The following MAST4 variants were observed in gnomAD, a reference collection of about 807,000 sequenced individuals.
MAST4 encodes the protein microtubule-associated serine/threonine-protein kinase 4.
Under a neutral mutation model 162.7 loss-of-function variants are expected in MAST4, and 89 were observed. The ratio of observed to expected loss-of-function variants is 0.55; its 90% CI spans 0.46 to 0.65. The LOEUF (loss-of-function observed/expected upper bound fraction) is 0.65. Ranked by LOEUF, MAST4 falls within the 30% of genes least tolerant of loss-of-function variation. The pLI, the probability that MAST4 is intolerant of heterozygous loss-of-function variation, is 0.00. For synonymous variants in MAST4, 1,479 were observed against 1,361.1 expected (o/e 1.09, Z -1.91); for missense variants, 3,153 against 3,374.0 (o/e 0.93, Z 1.62).
intron 3 of MAST4, among the ~76,000 whole-genome samples, chr5:66,844,791 G>A (rs1409941855): frequency 6.6e-6 from 1 of 152,026 alleles, no homozygotes; most frequent in Admixed American, 6.6e-5. Context: ...CAGCTATGGA[G>A]TTATCAGAAG....
At chr5:66,788,605 C>CCCCAAGCAAAAAAAAAAAAAACA in intron 2 of MAST4, 65 bp from the exon 3 acceptor site, 1 of 1,344,528 alleles carries the variant, frequency 7.4e-7, no homozygotes, top group African/African-American at 1.5e-5. Flanking sequence ...CACCCCCACC[C>CCCCAAGCAAAAAAAAAAAAAACA]CCATTGCAAT....
chr5:66,609,339 A>G (rs1235211463), intron 1 of MAST4, among the ~76,000 whole-genome samples: 3 of 150,670 alleles, frequency 2.0e-5, no homozygotes, highest in Admixed American at 2.0e-4. Flanking sequence ...CTGAAAGTCT[A>G]TTTGCATAGT....
In MAST4 at chr5:67,160,581, A is replaced by C. The variant is rs1185671994; in HGVS notation, c.3774A>C (p.Glu1258Asp). 6.2e-7 allele frequency: 1 copy of C among 1,613,612 alleles called. No individual in the cohort carries two copies. Among genetic ancestry groups the C allele is most frequent in the Admixed American group, 1.7e-5 (1 of 59,956 alleles). The change falls in exon 27 of 29, where the codon GAA becomes GAC. Residue 1258 changes from glutamate (E) to aspartate (D), a missense_variant. This residue lies in a region of MAST4 where 619 missense variants were observed against 744.2 expected (regional missense o/e 0.83). Coordinates refer to ENST00000403625, the MANE Select transcript of MAST4 (RefSeq NM_001164664.2). ...GGAGCAAGAAATCCAAGAAGAAAGA[A>C]AGTCTCGAAAGGTTAGTAAAATCAG... is the stretch of plus-strand genomic sequence containing the variant. ...VRRSKKSKKK[E>D]SLERRRSLFK... is the part of the protein sequence containing the mutation.
At chr5:67,119,111 C>T (rs769393988) in intron 13 of MAST4, among the ~76,000 whole-genome samples, 17 of 152,244 alleles carry the variant, frequency 1.1e-4, no homozygotes, top group Middle Eastern at 3.4e-3. Context: ...GCTTAGGTCC[C>T]TGTTGTTCAT....
intron 6 of MAST4, among the ~76,000 whole-genome samples, chr5:67,092,413 G>A (rs141352130): frequency 1.3e-5 from 2 of 152,158 alleles, no homozygotes; most frequent in African/African-American, 2.4e-5. Flanking sequence ...TGAAATTATC[G>A]AATTAATTTT....
chr5:66,747,430 G>C (rs1752837400), intron 1 of MAST4, among the ~76,000 whole-genome samples: 1 of 152,122 alleles, frequency 6.6e-6, no homozygotes. Flanking sequence ...ACATCTTCTA[G>C]TTTAAACACA....
chr5:66,889,842 A>G (rs1762258725), intron 3 of MAST4, among the ~76,000 whole-genome samples: 1 of 152,128 alleles, frequency 6.6e-6, no homozygotes, highest in Non-Finnish European at 1.5e-5. Flanking sequence ...TCATTTTGTA[A>G]TTTTGGAAAT....
At chr5:66,677,418 A>G (rs946886558) in intron 1 of MAST4, among the ~76,000 whole-genome samples, 14 of 152,168 alleles carry the variant, frequency 9.2e-5, no homozygotes, top group Admixed American at 2.6e-4. Context: ...TGGAGTAATG[A>G]AAAACTGTCT....
chr5:66,845,532 G>T (rs1384193876), intron 3 of MAST4, among the ~76,000 whole-genome samples: 2 of 152,046 alleles, frequency 1.3e-5, no homozygotes, highest in East Asian at 1.9e-4. Flanking sequence ...CATTTGGGTT[G>T]GTTCCAAGTC....
intron 4 of MAST4, among the ~76,000 whole-genome samples, chr5:66,980,247 T>A (rs16896094): frequency 6.6e-6 from 1 of 152,172 alleles, no homozygotes; most frequent in South Asian, 2.1e-4. Flanking sequence ...GCAGCCACAA[T>A]GCTAGATGCA....
At chr5:66,634,720 T>A (rs1436735051) in intron 1 of MAST4, among the ~76,000 whole-genome samples, 1 of 152,210 alleles carries the variant, frequency 6.6e-6, no homozygotes, top group East Asian at 1.9e-4. Context: ...CAATGGAAGT[T>A]GTTTACACTT....
intron 4 of MAST4, among the ~76,000 whole-genome samples, chr5:66,989,637 A>G (rs1749866242): frequency 6.6e-6 from 1 of 152,192 alleles, no homozygotes; most frequent in Non-Finnish European, 1.5e-5. Context: ...TTACAGAAAG[A>G]AATATAGTTT....
chr5:67,120,916 A>T, intron 13 of MAST4, 101 bp from the exon 14 acceptor site: 1 of 833,506 alleles, frequency 1.2e-6, no homozygotes, highest in Non-Finnish European at 1.9e-6. Flanking sequence ...GTACTTCAAC[A>T]TATTACATAA....
intron 4 of MAST4, among the ~76,000 whole-genome samples, chr5:66,947,223 A>C (rs1392309984): frequency 2.6e-5 from 4 of 152,068 alleles, no homozygotes; most frequent in Non-Finnish European, 4.4e-5. Context: ...ACCGTGGAAA[A>C]TGAGTATATT....
At chr5:66,680,658 A>T (rs1748268892) in intron 1 of MAST4, among the ~76,000 whole-genome samples, 1 of 152,176 alleles carries the variant, frequency 6.6e-6, no homozygotes, top group Non-Finnish European at 1.5e-5. Flanking sequence ...CTTCTGGGGG[A>T]GAGAAAAATA....
chr5:66,976,522 G>T (rs147598084), intron 4 of MAST4, among the ~76,000 whole-genome samples: 15 of 152,374 alleles, frequency 9.8e-5, no homozygotes, highest in African/African-American at 3.6e-4. Flanking sequence ...GAACTAGCTT[G>T]ACTGAAGTGT....
intron 18 of MAST4, 44 bp downstream of exon 18, chr5:67,134,732 A>G (rs1431192946): frequency 6.6e-7 from 1 of 1,512,388 alleles, no homozygotes; most frequent in Admixed American, 1.8e-5. Flanking sequence ...GTTGGGAAGC[A>G]GCTATTTAAT....
chr5:67,077,972 G>A (rs186173490), intron 5 of MAST4, among the ~76,000 whole-genome samples: 32 of 152,176 alleles, frequency 2.1e-4, no homozygotes, highest in African/African-American at 7.0e-4. Flanking sequence ...GGAGGTAGGC[G>A]CCTGTATTCC....
At chr5:66,924,201 G>C (rs1561449868) in intron 4 of MAST4, among the ~76,000 whole-genome samples, 1 of 152,144 alleles carries the variant, frequency 6.6e-6, no homozygotes, top group African/African-American at 2.4e-5. Context: ...TTTCAGAAGA[G>C]TTTGTACATT....
Sources: allele counts gnomAD v4.1 joint callset (sites outside exome capture counted in the v4.1 genomes callset), GRCh38; gene constraint gnomAD v4.1.1; regional missense constraint gnomAD v4.1.1; transcripts MANE v1.5; gene names NCBI Gene and HGNC (gene_info 2026-07-23, HGNC 2026-07-21).